ANTXR1: variants seen among roughly 807,000 people sequenced by gnomAD.
ANTXR1 encodes the protein anthrax toxin receptor 1.
In ANTXR1, 19 loss-of-function variants were observed where a neutral mutation model predicts 78.1. The ratio of observed to expected loss-of-function variants is 0.24; its 90% CI spans 0.17 to 0.36. The LOEUF (loss-of-function observed/expected upper bound fraction) is 0.36. Among genes scored for constraint, ANTXR1 ranks in the 10% least tolerant of loss-of-function variants. The pLI is 1.00. For missense variants in ANTXR1, 518 were observed against 718.6 expected (o/e 0.72, Z 3.19); for synonymous variants, 273 against 260.5 (o/e 1.05, Z -0.46).
At chr2:69,039,246 G>A (rs774638482) in intron 1 of ANTXR1, among the ~76,000 whole-genome samples, 14 of 152,144 alleles carry the variant, frequency 9.2e-5, no homozygotes, top group Non-Finnish European at 1.5e-4. Flanking sequence ...AACTGAATAT[G>A]AGCACTATGG....
At chr2:69,119,928 T>G (rs1246866072) in intron 10 of ANTXR1, among the ~76,000 whole-genome samples, 1 of 152,236 alleles carries the variant, frequency 6.6e-6, no homozygotes, top group Non-Finnish European at 1.5e-5. Flanking sequence ...ATACAGGAAG[T>G]GCTTAGAGAT....
chr2:69,100,646 G>T (rs1671578788), intron 9 of ANTXR1, among the ~76,000 whole-genome samples: 1 of 152,208 alleles, frequency 6.6e-6, no homozygotes, highest in African/African-American at 2.4e-5. Flanking sequence ...GGAAACAAGA[G>T]AAGTAGGCAC....
intron 12 of ANTXR1, among the ~76,000 whole-genome samples, chr2:69,139,047 A>C (rs1672997823): frequency 6.6e-6 from 1 of 152,230 alleles, no homozygotes; most frequent in African/African-American, 2.4e-5. Context: ...GCTCCTACCT[A>C]CTGGCCTTAA....
At chr2:69,211,790 C>T (rs1675050952) in intron 17 of ANTXR1, among the ~76,000 whole-genome samples, 1 of 152,232 alleles carries the variant, frequency 6.6e-6, no homozygotes, top group South Asian at 2.1e-4. Flanking sequence ...CCCCTAGTGC[C>T]CTCCACAGTC....
At chr2:69,023,194 C>G (rs1320858492) in intron 1 of ANTXR1, among the ~76,000 whole-genome samples, 1 of 152,300 alleles carries the variant, frequency 6.6e-6, no homozygotes, top group East Asian at 1.9e-4. Context: ...GTCTGCCTCA[C>G]AAAAGTGTTG....
chr2:69,015,538 A>T (rs1244427381), intron 1 of ANTXR1, among the ~76,000 whole-genome samples: 2 of 152,088 alleles, frequency 1.3e-5, no homozygotes, highest in Non-Finnish European at 2.9e-5. Context: ...CAAGTGATTG[A>T]TAACATGGAG....
intron 17 of ANTXR1, among the ~76,000 whole-genome samples, chr2:69,232,178 T>C (rs1189267451): frequency 1.3e-5 from 2 of 152,044 alleles, no homozygotes; most frequent in African/African-American, 4.8e-5. Context: ...TGGACTTCAA[T>C]AAAGCAAGCA....
chr2:69,139,368 T>A (rs1673007084), intron 12 of ANTXR1, among the ~76,000 whole-genome samples: 1 of 152,228 alleles, frequency 6.6e-6, no homozygotes, highest in Non-Finnish European at 1.5e-5. Context: ...ATTTCACCAG[T>A]ACGGCTCTCC....
chr2:69,222,246 A>G (rs1023485400), intron 17 of ANTXR1, among the ~76,000 whole-genome samples: 5 of 152,180 alleles, frequency 3.3e-5, no homozygotes, highest in Non-Finnish European at 4.4e-5. Context: ...ATGAAATTCA[A>G]TCTTCACTTA....
At chr2:69,016,751 TTTC>T (rs1671038319) in intron 1 of ANTXR1, among the ~76,000 whole-genome samples, 1 of 152,250 alleles carries the variant, frequency 6.6e-6, no homozygotes, top group Admixed American at 6.5e-5. Flanking sequence ...TTTACATGTT[TTTC>T]TTAATTTTTC....
At chr2:69,180,699 A>G (rs1289376237) in intron 14 of ANTXR1, among the ~76,000 whole-genome samples, 2 of 152,238 alleles carry the variant, frequency 1.3e-5, no homozygotes, top group African/African-American at 4.8e-5. Flanking sequence ...CTGGGAATAC[A>G]ATTGTAAGCA....
chr2:69,102,856 G>T lies in ANTXR1; in HGVS notation c.718G>T (p.Val240Phe), dbSNP rs764260729. ...TICAGESFQV[V>F]VRGNGFRHAR... ...CTTTATTTCAGAGTCATTTCAAGTT[G>T]TCGTGAGAGGAAACGGCTTCCGACA... is the stretch of plus-strand genomic sequence containing the variant. Residue 240 changes from valine to phenylalanine, a missense_variant, in exon 10 of 18, where the codon GTC becomes TTC. Transcript: ENST00000303714. The T allele has an allele frequency of 6.2e-7, 1 of 1,614,166 alleles. No individual in the cohort carries two copies. The highest frequency in any genetic ancestry group is 1.1e-5 in the South Asian group (1 of 91,082).
intron 3 of ANTXR1, among the ~76,000 whole-genome samples, chr2:69,053,641 C>T (rs148989895): frequency 9.5e-4 from 145 of 152,248 alleles, no homozygotes; most frequent in African/African-American, 3.3e-3. Context: ...AATATGCAGA[C>T]CAAGATCATT....
chr2:69,187,578 T>C (rs1407126656), intron 16 of ANTXR1, among the ~76,000 whole-genome samples: 1 of 143,148 alleles, frequency 7.0e-6, no homozygotes, highest in Admixed American at 7.2e-5. Context: ...CTATTTATCA[T>C]GTATTTCTTT....
chr2:69,090,082 TTAAC>T (rs1183154133), intron 8 of ANTXR1, among the ~76,000 whole-genome samples: 2 of 152,100 alleles, frequency 1.3e-5, no homozygotes, highest in African/African-American at 4.8e-5. Context: ...ACATTTCCAT[TTAAC>T]TAAGTCTCAG....
chr2:69,205,078 G>A (rs1006822402), intron 17 of ANTXR1, among the ~76,000 whole-genome samples: 3 of 152,152 alleles, frequency 2.0e-5, no homozygotes, highest in African/African-American at 4.8e-5. Flanking sequence ...CACTGGAGTG[G>A]TCAGAAAAGA....
Position 69,249,000 on chromosome 2 carries a change from T to C in ANTXR1, c.*3515T>C, listed in dbSNP as rs1180604203. 2 of 152,240 alleles carry C rather than the reference T, an allele frequency of 1.3e-5. No individual in the cohort carries two copies. The highest frequency in any genetic ancestry group is 4.8e-5 in the African/African-American group (2 of 41,466). 9.4% of individuals were successfully genotyped at this position (152,240 alleles called of 1,614,324 possible). A position where few individuals can be genotyped will look rare whatever the true frequency, so the allele number is the denominator to read the frequency against. ...ACTTAACATTAAACTCTTCTAACTT[T>C]CTTCTTTCTGTGATAATTCAGAAGA... On this transcript the variant is annotated 3_prime_UTR_variant, in exon 18 of 18. Coordinates refer to ENST00000303714, the MANE Select transcript of ANTXR1 (RefSeq NM_032208.3).
intron 10 of ANTXR1, among the ~76,000 whole-genome samples, chr2:69,112,667 G>A (rs1161103260): frequency 6.6e-6 from 1 of 152,204 alleles, no homozygotes; most frequent in Non-Finnish European, 1.5e-5. Context: ...GTCTGCAGCT[G>A]GCTGTGTGAC....
At chr2:69,169,038 C>T (rs981704795) in intron 13 of ANTXR1, among the ~76,000 whole-genome samples, 1 of 152,202 alleles carries the variant, frequency 6.6e-6, no homozygotes, top group Non-Finnish European at 1.5e-5. Flanking sequence ...TGGGTAACAG[C>T]GTGGGGATTG....
Sources: gnomAD v4.1 joint callset for allele counts (sites outside exome capture counted in the v4.1 genomes callset) on GRCh38, gnomAD v4.1.1 for gene constraint, MANE v1.5 for transcripts, NCBI Gene and HGNC (gene_info 2026-07-23, HGNC 2026-07-21) for gene names.